PHKB: variants seen among roughly 807,000 people sequenced by gnomAD.
The protein encoded by PHKB is phosphorylase b kinase regulatory subunit beta.
Under a neutral mutation model 152.1 loss-of-function variants are expected in PHKB, and 122 were observed. The ratio of observed to expected loss-of-function variants is 0.80; its 90% CI spans 0.69 to 0.93. The LOEUF (loss-of-function observed/expected upper bound fraction) is 0.93, where lower values mean the gene tolerates loss of function less well. Among genes scored for constraint, PHKB ranks in the 40% least tolerant of loss-of-function variants. The pLI is 0.00. For synonymous variants in PHKB, 436 were observed against 464.9 expected (o/e 0.94, Z 0.80); for missense variants, 1,304 against 1,328.4 (o/e 0.98, Z 0.29).
At chr16:47,655,821 G>C (rs900732910) in intron 20 of PHKB, among the ~76,000 whole-genome samples, 13 of 152,118 alleles carry the variant, frequency 8.5e-5, no homozygotes, top group African/African-American at 2.9e-4. Flanking sequence ...TACTGCAGAA[G>C]GGAATAGAAT....
intron 26 of PHKB, among the ~76,000 whole-genome samples, chr16:47,680,966 T>G (rs1399135511): frequency 6.6e-6 from 1 of 152,206 alleles, no homozygotes; most frequent in African/African-American, 2.4e-5. Context: ...TCTGGTATGT[T>G]GTGTCTTTGT....
intron 14 of PHKB, among the ~76,000 whole-genome samples, chr16:47,621,242 G>A (rs959783058): frequency 1.2e-4 from 18 of 152,248 alleles, no homozygotes; most frequent in African/African-American, 3.4e-4. Flanking sequence ...GGAGTAGTGT[G>A]CCCAGTCGCC....
chr16:47,687,186 T>A (rs1973979544), intron 26 of PHKB, among the ~76,000 whole-genome samples: 1 of 152,140 alleles, frequency 6.6e-6, no homozygotes. Context: ...AAGAAATGAA[T>A]AAAATAAATA....
chr16:47,602,925 C>T (rs1972258059), intron 13 of PHKB, among the ~76,000 whole-genome samples: 2 of 152,132 alleles, frequency 1.3e-5, no homozygotes, highest in African/African-American at 2.4e-5. Context: ...GGAAATACTT[C>T]TCTCTGTCTC....
chr16:47,693,775 T>C (rs1974103260), intron 28 of PHKB, among the ~76,000 whole-genome samples: 1 of 152,208 alleles, frequency 6.6e-6, no homozygotes, highest in Admixed American at 6.5e-5. Flanking sequence ...GAAGTCATAT[T>C]TAATAAAAAA....
At chr16:47,566,729 G>A in intron 7 of PHKB, 1 of 764,736 alleles carries the variant, frequency 1.3e-6, no homozygotes, top group South Asian at 1.3e-5. Context: ...CATCATTACT[G>A]TTCCAAGTTG....
rs145067324 is a variant in PHKB, at chr16:47,685,298, G to A, written c.2631-3743G>A. 9.2e-3 allele frequency among the ~76,000 whole-genome samples: 1,407 copies of A among 152,310 alleles called. 6 individuals are homozygous for A. Among genetic ancestry groups the A allele is most frequent in the Non-Finnish European group, 0.016 (1,062 of 68,024 alleles). On this transcript the variant is annotated intron_variant, in intron 26 of 30. Coordinates refer to ENST00000323584, the MANE Select transcript of PHKB (RefSeq NM_000293.3). The stretch of plus-strand genomic sequence containing the variant: ...AAATTAGCTGGGTGTGGTGGCGCAC[G>A]CCTGTAATCCCAGCTACTCAGGAGA...
At chr16:47,589,363 G>A (rs1971989389) in intron 10 of PHKB, among the ~76,000 whole-genome samples, 2 of 152,234 alleles carry the variant, frequency 1.3e-5, no homozygotes, top group African/African-American at 2.4e-5. Context: ...TGCTCAGTAA[G>A]TGTTAGCTCT....
intron 1 of PHKB, among the ~76,000 whole-genome samples, chr16:47,472,276 C>A (rs1969783516): frequency 6.6e-6 from 1 of 152,178 alleles, no homozygotes; most frequent in Non-Finnish European, 1.5e-5. Flanking sequence ...TACCTCTGAA[C>A]AGATAATGGA....
rs1250291319 is a variant in PHKB, at chr16:47,700,358, A to C, written c.*992A>C. On this transcript the variant is annotated 3_prime_UTR_variant, in exon 31 of 31. Transcript: ENST00000323584. ...AGCGAGACTCCATCTCAAAAAAAAA[A>C]AAAAAAAAGAAAAAGAAAAAAATAT... 6.6e-6 allele frequency: 1 copy of C among 151,590 alleles called. No individual in the cohort carries two copies. Among genetic ancestry groups the C allele is most frequent in the African/African-American group, 2.4e-5 (1 of 41,370 alleles). 9.4% of individuals were successfully genotyped at this position (151,590 alleles called of 1,614,324 possible).
intron 14 of PHKB, among the ~76,000 whole-genome samples, chr16:47,611,722 G>A (rs1290329141): frequency 6.6e-6 from 1 of 152,100 alleles, no homozygotes; most frequent in East Asian, 1.9e-4. Flanking sequence ...AAGAGAAAGG[G>A]AGAGCCAACA....
intron 8 of PHKB, among the ~76,000 whole-genome samples, chr16:47,584,000 G>T (rs1001618147): frequency 1.1e-4 from 17 of 151,410 alleles, no homozygotes; most frequent in South Asian, 2.1e-4. Flanking sequence ...CTTTGGTTAT[G>T]ATTATTATGC....
At position 47,507,160 on chromosome 16, in the gene PHKB, G is replaced by A. The variant is rs987637336; in HGVS notation, c.405+4070G>A. Reference sequence around the variant, plus strand: ...AGCTAATTTTTGTATTTTTTGTAGAGACAGGGTTTCTCCATGTTTCCCCAA... The same window carrying A: ...AGCTAATTTTTGTATTTTTTGTAGAAACAGGGTTTCTCCATGTTTCCCCAA... On this transcript the variant is annotated intron_variant, in intron 4 of 30. Transcript: ENST00000323584. 1.1e-4 allele frequency among the ~76,000 whole-genome samples: 17 copies of A among 152,086 alleles called. 1 individual carries two copies. The highest frequency in any genetic ancestry group is 3.9e-4 in the African/African-American group (16 of 41,428).
intron 7 of PHKB, among the ~76,000 whole-genome samples, chr16:47,556,545 G>T (rs1971373350): frequency 1.3e-5 from 2 of 152,106 alleles, no homozygotes; most frequent in Non-Finnish European, 2.9e-5. Flanking sequence ...TTTTGTCGTT[G>T]GTTCTGTTTA....
At position 47,693,446 on chromosome 16, in the gene PHKB, T is replaced by C. The variant is rs140830761; in HGVS notation, c.2834T>C (p.Val945Ala). Residue 945 changes from valine (V) to alanine (A), a missense_variant, in exon 28 of 31, where the codon GTG becomes GCG. Coordinates refer to ENST00000323584, the MANE Select transcript of PHKB (RefSeq NM_000293.3). ...ACTCCCACCGGGTTCTATGACCGAG[T>C]GTGGCAGATTCTGGAGCGCACGCCC... is the stretch of plus-strand genomic sequence containing the variant. ...NRTPTGFYDRVWQILERTPNG... is the reference protein window; with the variant it reads ...NRTPTGFYDRAWQILERTPNG... 2.5e-6 allele frequency: 4 copies of C among 1,613,848 alleles called. No individual in the cohort carries two copies. The highest frequency in any genetic ancestry group is 3.4e-6 in the Non-Finnish European group (4 of 1,179,974).
intron 20 of PHKB, among the ~76,000 whole-genome samples, chr16:47,653,718 G>GA (rs1436995457): frequency 5.3e-5 from 8 of 151,200 alleles, no homozygotes; most frequent in Non-Finnish European, 1.2e-4. Flanking sequence ...GGCCTATATG[G>GA]AAAAAAAAGA....
intron 4 of PHKB, chr16:47,505,653 T>G (rs1209752479): frequency 6.6e-6 from 1 of 152,230 alleles, no homozygotes; most frequent in Non-Finnish European, 1.5e-5. Context: ...TTAGCAGAGA[T>G]GCACACAAGT....
chr16:47,565,753 A>G (rs1597090111), intron 7 of PHKB: 1 of 1,502,032 alleles, frequency 6.7e-7, no homozygotes, highest in African/African-American at 1.4e-5. Flanking sequence ...TGATGCTGCA[A>G]CTTCTCTTGT....
At chr16:47,547,044 T>C (rs184159036) in intron 6 of PHKB, among the ~76,000 whole-genome samples, 47 of 152,340 alleles carry the variant, frequency 3.1e-4, no homozygotes, top group Non-Finnish European at 4.4e-4. Flanking sequence ...GGAAATTCCC[T>C]GACCCCTTGC....
Sources: gnomAD v4.1 joint callset for allele counts (sites outside exome capture counted in the v4.1 genomes callset) on GRCh38, gnomAD v4.1.1 for gene constraint, MANE v1.5 for transcripts, NCBI Gene and HGNC (gene_info 2026-07-23, HGNC 2026-07-21) for gene names.